Variants in UBE2V2 observed in about 807,000 individuals in gnomAD.
UBE2V2 encodes the protein ubiquitin-conjugating enzyme E2 variant 2.
UBE2V2 carries 9 observed loss-of-function variants against 17.2 expected under a neutral mutation model. That is an observed-to-expected ratio of 0.52 (90% confidence interval 0.32 to 0.91). The LOEUF is 0.91. Among genes scored for constraint, UBE2V2 ranks in the 40% least tolerant of loss-of-function variants. The pLI is 0.04. For missense variants in UBE2V2, 133 were observed against 182.6 expected (o/e 0.73, Z 1.56); for synonymous variants, 61 against 57.5 (o/e 1.06, Z -0.28).
chr8:48,006,645 T>C (rs529832172), upstream of UBE2V2, among the ~76,000 whole-genome samples: 26 of 151,842 alleles, frequency 1.7e-4, no homozygotes, highest in South Asian at 5.0e-3. Context: ...CATATGCAAA[T>C]CAATAAATGT....
intron 1 of UBE2V2, among the ~76,000 whole-genome samples, chr8:48,038,091 C>T (rs1425550246): frequency 3.3e-5 from 5 of 152,284 alleles, no homozygotes; most frequent in East Asian, 1.9e-4. Flanking sequence ...TGGCTCCACC[C>T]GTCCAATCCT....
At chr8:48,058,398 G>T (rs940073853) in intron 3 of UBE2V2, among the ~76,000 whole-genome samples, 6 of 151,568 alleles carry the variant, frequency 4.0e-5, no homozygotes, top group African/African-American at 1.5e-4. Context: ...AACTGGGGAG[G>T]CATGGGTTGC....
intron 1 of UBE2V2, among the ~76,000 whole-genome samples, chr8:48,010,722 GTC>G (rs2091223232): frequency 8.4e-6 from 1 of 119,364 alleles, no homozygotes; most frequent in African/African-American, 3.3e-5. Flanking sequence ...TTGAGACTGA[GTC>G]TCTCGCTTCT....
the UBE2V2 span, among the ~76,000 whole-genome samples, chr8:48,002,850 T>C: frequency 1.3e-5 from 2 of 152,258 alleles, no homozygotes; most frequent in African/African-American, 4.8e-5. Flanking sequence ...GTAATGCATA[T>C]GTTAATTAAG....
At chr8:48,027,457 C>G (rs990217350) in intron 1 of UBE2V2, among the ~76,000 whole-genome samples, 64 of 152,222 alleles carry the variant, frequency 4.2e-4, no homozygotes, top group African/African-American at 1.4e-3. Context: ...TCCCTGATAA[C>G]TAGTGTTATT....
At chr8:48,059,195 A>G (rs1307452932) in intron 3 of UBE2V2, among the ~76,000 whole-genome samples, 1 of 151,972 alleles carries the variant, frequency 6.6e-6, no homozygotes, top group Non-Finnish European at 1.5e-5. Flanking sequence ...TCGGCCTCCC[A>G]AAGTGCTAGG....
chr8:48,008,625 G>A, intron 1 of UBE2V2, 155 bp downstream of exon 1: 1 of 1,122,616 alleles, frequency 8.9e-7, no homozygotes, highest in African/African-American at 1.6e-5. Flanking sequence ...GGACCGGGTG[G>A]GACCGGCGCC....
intron 1 of UBE2V2, among the ~76,000 whole-genome samples, chr8:48,040,958 G>A (rs2091459467): frequency 6.9e-6 from 1 of 145,632 alleles, no homozygotes; most frequent in Admixed American, 7.2e-5. Context: ...TCTGCCTCCT[G>A]GGTTCACACC....
At chr8:48,017,818 C>T (rs1486228436) in intron 1 of UBE2V2, among the ~76,000 whole-genome samples, 1 of 148,786 alleles carries the variant, frequency 6.7e-6, no homozygotes, top group Admixed American at 6.7e-5. Flanking sequence ...GACTTTTCTT[C>T]CTGTTTTCTA....
At chr8:48,032,377 TATATAA>T (rs1157205770) in intron 1 of UBE2V2, among the ~76,000 whole-genome samples, 3 of 152,192 alleles carry the variant, frequency 2.0e-5, no homozygotes, top group African/African-American at 7.2e-5. Context: ...TTTGGTGAAT[TATATAA>T]ATATAGTTTT....
intron 2 of UBE2V2, among the ~76,000 whole-genome samples, chr8:48,044,456 A>T (rs2154507772): frequency 6.6e-6 from 1 of 152,294 alleles, no homozygotes; most frequent in South Asian, 2.1e-4. Flanking sequence ...GCCCCTCCTG[A>T]TTATTACAAA....
chr8:48,052,806 T>C (rs751442145), intron 3 of UBE2V2, among the ~76,000 whole-genome samples: 2 of 152,256 alleles, frequency 1.3e-5, no homozygotes, highest in Admixed American at 6.5e-5. Context: ...CACACTGGCC[T>C]GCATGCCTTT....
rs1802615058 is a variant in UBE2V2, at chr8:48,062,757, G to C, written c.*1929G>C. Reference sequence around the variant, plus strand: ...TTCTTGGCCAATAAAGTCACTGACAGTTTATGTAAACATTAATTTCAACAT... The same window carrying C: ...TTCTTGGCCAATAAAGTCACTGACACTTTATGTAAACATTAATTTCAACAT... On this transcript the variant is annotated 3_prime_UTR_variant, in exon 4 of 4. Coordinates refer to ENST00000523111, the MANE Select transcript of UBE2V2 (RefSeq NM_003350.3). 6.6e-6 allele frequency: 1 copy of C among 152,124 alleles called. No homozygotes were observed. 9.4% of individuals were successfully genotyped at this position (152,124 alleles called of 1,614,324 possible).
At chr8:48,056,609 C>T (rs1391187516) in intron 3 of UBE2V2, among the ~76,000 whole-genome samples, 1 of 152,158 alleles carries the variant, frequency 6.6e-6, no homozygotes. Flanking sequence ...CCAGGCTGGT[C>T]TCGAACTCCT....
chr8:48,026,970 G>A (rs2154507191), intron 1 of UBE2V2, among the ~76,000 whole-genome samples: 1 of 152,306 alleles, frequency 6.6e-6, no homozygotes, highest in East Asian at 1.9e-4. Context: ...GGAACTGCTA[G>A]GCTGTTTTCC....
chr8:48,057,868 T>G (rs2091582882), intron 3 of UBE2V2, among the ~76,000 whole-genome samples: 1 of 152,180 alleles, frequency 6.6e-6, no homozygotes, highest in Non-Finnish European at 1.5e-5. Context: ...GCTCTAATAA[T>G]TTCTTTAGTG....
rs1230458675 is a variant in UBE2V2 at position 48,062,187 on chromosome 8, G to C, written c.*1359G>C. ...ACTGAAGAATATAGAAAGGTGGTCA[G>C]GTAAAGTCTACTTTTATTTTGTCAA... On this transcript the variant is annotated 3_prime_UTR_variant, in exon 4 of 4. Coordinates refer to ENST00000523111, the MANE Select transcript of UBE2V2 (RefSeq NM_003350.3). 2.0e-5 allele frequency: 3 copies of C among 152,188 alleles called. No homozygotes were observed. The highest frequency in any genetic ancestry group is 7.2e-5 in the African/African-American group (3 of 41,450). The allele number at this position is 152,188 out of a possible 1,614,324, so 9.4% of individuals were successfully genotyped here.
intron 1 of UBE2V2, among the ~76,000 whole-genome samples, chr8:48,014,506 G>A (rs773011271): frequency 6.6e-6 from 1 of 151,830 alleles, no homozygotes; most frequent in South Asian, 2.1e-4. Flanking sequence ...TTAGCCGAGT[G>A]TGGTGATGGG....
the UBE2V2 span, among the ~76,000 whole-genome samples, chr8:48,000,062 C>T: frequency 6.6e-6 from 1 of 152,250 alleles, no homozygotes; most frequent in African/African-American, 2.4e-5. Flanking sequence ...AGGCCCAGGC[C>T]ATGGCACCAG....
Sources: gnomAD v4.1 joint callset for allele counts (sites outside exome capture counted in the v4.1 genomes callset) on GRCh38, gnomAD v4.1.1 for gene constraint, MANE v1.5 for transcripts, NCBI Gene and HGNC (gene_info 2026-07-23, HGNC 2026-07-21) for gene names.